RNF216: variants seen among roughly 807,000 people sequenced by gnomAD.
RNF216 encodes ring finger protein 216.
A neutral mutation model predicts 110.8 loss-of-function variants in RNF216; 72 were observed. That is an observed-to-expected ratio of 0.65 (90% confidence interval 0.54 to 0.79). The LOEUF is 0.79. RNF216 is among the 30% of genes least tolerant of loss of function. RNF216 has a pLI of 0.00. For missense variants in RNF216, 1,342 were observed against 1,141.2 expected (o/e 1.18, Z -2.54); for synonymous variants, 495 against 407.5 (o/e 1.21, Z -2.59).
At chr7:5,759,153 G>A (rs1584589870) in intron 2 of RNF216, among the ~76,000 whole-genome samples, 1 of 152,254 alleles carries the variant, frequency 6.6e-6, no homozygotes, top group Admixed American at 6.5e-5. Context: ...CCAGCCATGT[G>A]AGACAAGCGT....
intron 3 of RNF216, among the ~76,000 whole-genome samples, chr7:5,742,257 C>T (rs6959871): frequency 0.15 from 23,494 of 151,868 alleles, 3,510 homozygotes; most frequent in African/African-American, 0.39. Flanking sequence ...ATGTTGGCCA[C>T]GCTCGTCTCA....
rs868768655 is a variant in RNF216 at position 5,622,975 on chromosome 7, G to A, written c.2657C>T (p.Pro886Leu). 11 of 1,614,070 alleles carry A rather than the reference G, an allele frequency of 6.8e-6. No individual in the cohort carries two copies. Among genetic ancestry groups the A allele is most frequent in the Admixed American group, 5.0e-5 (3 of 60,022 alleles). Residue 886 changes from proline (P) to leucine (L), a missense_variant, in exon 17 of 17, where the codon CCG becomes CTG. Physicochemically the swap from Pro to Leu is moderately conservative, Grantham distance 98. Transcript: ENST00000389902. ...FPLNMGPIPAPYVPPLPNVRV... is the reference protein window; with the variant it reads ...FPLNMGPIPALYVPPLPNVRV... ...CACGTTGGGCAGAGGGGGCACGTACGGGGCTGGGATAGGCCCCATGTTGAG... is the reference window on the plus strand; with the variant it reads ...CACGTTGGGCAGAGGGGGCACGTACAGGGCTGGGATAGGCCCCATGTTGAG...
At chr7:5,767,599 G>A (rs568898806) in intron 1 of RNF216, among the ~76,000 whole-genome samples, 49 of 125,620 alleles carry the variant, frequency 3.9e-4, no homozygotes, top group African/African-American at 1.3e-3. Context: ...ATTGTTGAGA[G>A]GGATTTTTTT....
intron 3 of RNF216, 29 bp downstream of exon 3, chr7:5,752,817 G>C: frequency 1.2e-6 from 2 of 1,603,604 alleles, no homozygotes; most frequent in East Asian, 2.2e-5. Flanking sequence ...TTGCAATAAT[G>C]TCTCATTGTA....
chr7:5,728,787 T>A (rs1330004750), intron 7 of RNF216, among the ~76,000 whole-genome samples: 1 of 152,200 alleles, frequency 6.6e-6, no homozygotes, highest in Admixed American at 6.5e-5. Flanking sequence ...TAGAATACAA[T>A]TTAACGGCAG....
intron 13 of RNF216, among the ~76,000 whole-genome samples, chr7:5,654,515 C>T (rs909082806): frequency 6.6e-6 from 1 of 151,452 alleles, no homozygotes; most frequent in African/African-American, 2.4e-5. Flanking sequence ...GGCGAAACCC[C>T]ACCTCTAATA....
rs1391095855 is a variant in RNF216, at chr7:5,736,175, C to A, written c.1121+3101G>T. On this transcript the variant is annotated intron_variant, in intron 5 of 16. Transcript: ENST00000389902. ...GTCTCCCTCTGATGCCCAGCCGAAGCTGGACTGTACTGCTGCCATCTCTGC... is the reference window on the plus strand; with the variant it reads ...GTCTCCCTCTGATGCCCAGCCGAAGATGGACTGTACTGCTGCCATCTCTGC... Among the ~76,000 whole-genome samples, 19 of 152,064 alleles carry A rather than the reference C, an allele frequency of 1.2e-4. 1 individual carries two copies. Among genetic ancestry groups the A allele is most frequent in the Admixed American group, 2.0e-4 (3 of 15,260 alleles).
intron 8 of RNF216, among the ~76,000 whole-genome samples, chr7:5,722,034 G>A (rs149987343): frequency 2.7e-4 from 41 of 152,230 alleles, no homozygotes; most frequent in Middle Eastern, 3.4e-3. Flanking sequence ...CAATCCTCCC[G>A]CCTCAGCCTC....
rs1007661100 is a variant in RNF216 at position 5,696,543 on chromosome 7, C to T, written c.2061+15218G>A. 3.9e-5 allele frequency among the ~76,000 whole-genome samples: 6 copies of T among 152,150 alleles called. No homozygotes were observed. The highest frequency in any genetic ancestry group is 7.2e-5 in the African/African-American group (3 of 41,426). On this transcript the variant is annotated intron_variant, in intron 13 of 16. Transcript: ENST00000389902. This position sits in a 1 kb window ranked among gnomAD's most constrained non-coding sequence, Gnocchi z 5.4. The stretch of plus-strand genomic sequence containing the variant: ...CACACCACAGGAAGGAGGAGCAGGC[C>T]GGGGCAGCCTCCTAGACACGCGTGC...
At chr7:5,676,250 G>T (rs1418115685) in intron 13 of RNF216, among the ~76,000 whole-genome samples, 1 of 152,144 alleles carries the variant, frequency 6.6e-6, no homozygotes, top group Non-Finnish European at 1.5e-5. Flanking sequence ...GGTCTCAAGT[G>T]ATCGGCCCGC....
chr7:5,683,763 T>G (rs368761941), intron 13 of RNF216, among the ~76,000 whole-genome samples: 11 of 152,160 alleles, frequency 7.2e-5, no homozygotes, highest in African/African-American at 2.4e-4. Flanking sequence ...CAGTAGATAA[T>G]CAATGAGCCA....
intron 3 of RNF216, among the ~76,000 whole-genome samples, chr7:5,752,363 G>T (rs1054154450): frequency 6.6e-5 from 10 of 152,102 alleles, no homozygotes; most frequent in Non-Finnish European, 1.3e-4. Context: ...GACAAAATTT[G>T]TTCTTGGTTA....
chr7:5,754,135 T>C (rs953336770), intron 2 of RNF216, among the ~76,000 whole-genome samples: 2 of 149,628 alleles, frequency 1.3e-5, no homozygotes, highest in African/African-American at 5.0e-5. Flanking sequence ...TGTGTGTGTG[T>C]GTGTGTGTGT....
chr7:5,717,244 T>C (rs1385252108), intron 9 of RNF216, among the ~76,000 whole-genome samples: 1 of 152,088 alleles, frequency 6.6e-6, no homozygotes. Flanking sequence ...TCCCAGCTAC[T>C]TGGGAGGCTG....
At chr7:5,677,070 G>T (rs185829117) in intron 13 of RNF216, among the ~76,000 whole-genome samples, 19 of 152,322 alleles carry the variant, frequency 1.2e-4, no homozygotes, top group African/African-American at 4.6e-4. Flanking sequence ...TACCACTACA[G>T]ACCACATACA....
intron 1 of RNF216, among the ~76,000 whole-genome samples, chr7:5,780,729 G>A (rs1161488513): frequency 6.6e-6 from 1 of 151,950 alleles, no homozygotes; most frequent in East Asian, 1.9e-4. Context: ...AAAAAAAAAA[G>A]TAAAAGAAAA....
At chr7:5,744,893 A>G (rs1306358042) in intron 3 of RNF216, among the ~76,000 whole-genome samples, 2 of 151,948 alleles carry the variant, frequency 1.3e-5, no homozygotes, top group African/African-American at 2.4e-5. Context: ...AATCACTTGA[A>G]CCTGGGAGGC....
chr7:5,758,126 T>A (rs763919400), intron 2 of RNF216, among the ~76,000 whole-genome samples: 6 of 152,216 alleles, frequency 3.9e-5, no homozygotes. Flanking sequence ...TTTTCCAAAA[T>A]GAATTAGTTG....
chr7:5,660,390 C>A (rs1789036548), intron 13 of RNF216, among the ~76,000 whole-genome samples: 1 of 141,436 alleles, frequency 7.1e-6, no homozygotes, highest in South Asian at 2.4e-4. Flanking sequence ...CTCTTGGGTT[C>A]AAGTGATTCT....
Sources: gnomAD v4.1 joint callset for allele counts (sites outside exome capture counted in the v4.1 genomes callset) on GRCh38, gnomAD v4.1.1 for gene constraint, Gnocchi (gnomAD v3.1) non-coding constraint, MANE v1.5 for transcripts, NCBI Gene and HGNC (gene_info 2026-07-23, HGNC 2026-07-21) for gene names.